Variants in RRP12 observed in about 807,000 individuals in gnomAD.
RRP12 encodes the protein ribosomal RNA processing 12 homolog.
A neutral mutation model predicts 157.3 loss-of-function variants in RRP12; 78 were observed. That is an observed-to-expected ratio of 0.50 (90% confidence interval 0.41 to 0.60). RRP12 has a LOEUF of 0.60. Among genes scored for constraint, RRP12 ranks in the 20% least tolerant of loss-of-function variants. The pLI is 0.00. For synonymous variants in RRP12, 726 were observed against 670.9 expected, an observed-to-expected ratio of 1.08 and a Z score of -1.27; for missense variants, 1,521 against 1,679.9, an observed-to-expected ratio of 0.91 and a Z score of 1.65.
intron 2 of RRP12, among the ~76,000 whole-genome samples, chr10:97,397,209 G>A (rs1473957003): frequency 1.3e-5 from 2 of 151,832 alleles, no homozygotes; most frequent in African/African-American, 4.8e-5. Context: ...CACCCAGGGT[G>A]GAATGCAGTG....
rs1393156488 is a variant in RRP12 at position 97,400,444 on chromosome 10, G to A, written c.230C>T (p.Thr77Met). Residue 77 changes from threonine to methionine, a missense_variant, in exon 2 of 34, where the codon ACG becomes ATG. By Grantham distance (81) the Thr-to-Met change is moderately conservative (BLOSUM62 -1). Transcript: ENST00000370992. Reference sequence around the variant, plus strand: ...CAGCTCCGCCTCTTCTTCCATGGGCGTCTCCGGGGCTTCGCTTTTGCCCAA... The same window carrying A: ...CAGCTCCGCCTCTTCTTCCATGGGCATCTCCGGGGCTTCGCTTTTGCCCAA... Reference protein sequence around the residue: ...LRLGKSEAPETPMEEEAELVL... With the variant: ...LRLGKSEAPEMPMEEEAELVL... The A allele has an allele frequency of 3.7e-6, 6 of 1,614,110 alleles. 1 individual carries two copies. In the Admixed American group the frequency reaches 8.3e-5, roughly 22 times the overall value.
At chr10:97,372,245 G>C in intron 19 of RRP12, 79 bp from the exon 20 acceptor site, 2 of 1,066,112 alleles carry the variant, frequency 1.9e-6, no homozygotes, top group Non-Finnish European at 2.8e-6. Flanking sequence ...ACGTCTACTG[G>C]GTATGGGGAG....
rs1195881669 is a variant in RRP12 at position 97,360,454 on chromosome 10, C to G, written c.3640+92G>C. The G allele has an allele frequency of 2.9e-6, 3 of 1,034,340 alleles. No individual in the cohort carries two copies. The African/African-American group carries it at 4.7e-5, about 16-fold the overall frequency. 64.1% of individuals were successfully genotyped at this position (1,034,340 alleles called of 1,614,324 possible). The stretch of plus-strand genomic sequence containing the variant: ...AGTGAGTGCAACCAGGCTGTGCACC[C>G]TCATGGCCCTGCCACCCCTTCCTGT... On this transcript the variant is annotated intron_variant, in intron 31 of 33. Transcript: ENST00000370992.
Position 97,366,242 on chromosome 10 carries a change from TAG to T in RRP12, c.3392-11_3392-10del, listed in dbSNP as rs766523050. 9.3e-6 allele frequency: 15 copies of T among 1,610,892 alleles called. No homozygotes were observed. Among genetic ancestry groups the T allele is most frequent in the Non-Finnish European group, 1.2e-5 (14 of 1,179,718 alleles). On this transcript the variant is annotated splice_polypyrimidine_tract_variant and intron_variant, in intron 28 of 33. Transcript: ENST00000370992. ...TGGCCCTGGCTGCGTGGCTGGGGTG[TAG>T]AGTTTGGCATGAGGAGGTGGAAGGC...
intron 5 of RRP12, 23 bp downstream of exon 5, chr10:97,390,716 G>T: frequency 6.4e-7 from 1 of 1,558,016 alleles, no homozygotes; most frequent in Non-Finnish European, 8.9e-7. Context: ...CGCCAGATGA[G>T]AAACTAAACC....
At chr10:97,389,209 T>TC (rs1430065166) in intron 6 of RRP12, among the ~76,000 whole-genome samples, 1 of 152,110 alleles carries the variant, frequency 6.6e-6, no homozygotes, top group Admixed American at 6.6e-5. Flanking sequence ...TTCTCCTGCC[T>TC]CCGCCTCCCG....
chr10:97,372,655 G>T, intron 19 of RRP12, 81 bp downstream of exon 19: 1 of 1,104,742 alleles, frequency 9.1e-7, no homozygotes, highest in Non-Finnish European at 1.4e-6. Context: ...ATGCAAGAGG[G>T]AACCCACAGT....
rs1403052286 is a variant in RRP12, at chr10:97,367,042, C to G, written c.3046G>C (p.Gly1016Arg). ...NLFTKFIRKF[G>R]FELVKRLLPE... ...CCCGCCCCTGCTCAGTGCACAGACC[C>G]AAACTTGCGGATGAACTTGGTGAAC... The change falls in exon 26 of 34, where the codon GGA becomes CGA. Residue 1016 changes from glycine (G) to arginine (R), a missense_variant and splice_region_variant. Transcript: ENST00000370992. 1.2e-6 allele frequency: 2 copies of G among 1,614,180 alleles called. No homozygotes were observed. The highest frequency in any genetic ancestry group is 3.3e-5 in the Admixed American group (2 of 60,030).
chr10:97,364,038 A>C, intron 29 of RRP12, 135 bp from the exon 30 acceptor site: 1 of 736,452 alleles, frequency 1.4e-6, no homozygotes, highest in Non-Finnish European at 2.5e-6. Context: ...CCTCAGACCA[A>C]TATCATCCTT....
chr10:97,385,578 C>T (rs192643354), intron 9 of RRP12, among the ~76,000 whole-genome samples: 3 of 152,148 alleles, frequency 2.0e-5, no homozygotes, highest in Non-Finnish European at 4.4e-5. Context: ...ATCTGATCCC[C>T]CCTCCCAATA....
intron 15 of RRP12, among the ~76,000 whole-genome samples, chr10:97,376,331 C>T (rs1844307064): frequency 6.7e-6 from 1 of 150,090 alleles, no homozygotes; most frequent in Non-Finnish European, 1.5e-5. Flanking sequence ...TGTCCTGCCT[C>T]AGCCTCCCAA....
At chr10:97,396,077 G>A (rs1232392750) in intron 3 of RRP12, 141 bp downstream of exon 3, 8 of 646,696 alleles carry the variant, frequency 1.2e-5, no homozygotes, top group Non-Finnish European at 2.3e-5. Context: ...GCCTTCCTAA[G>A]CCACCTGAGA....
At chr10:97,400,653 C>T (rs957117982) in intron 1 of RRP12, 119 bp from the exon 2 acceptor site, 25 of 749,138 alleles carry the variant, frequency 3.3e-5, no homozygotes, top group Non-Finnish European at 5.0e-5. Context: ...GAATTCTGAA[C>T]ACAGCCAGTC....
chr10:97,357,188 ATCT>A lies in RRP12; in HGVS notation c.3797_3799del (p.Lys1266del). 1 of 1,607,130 alleles carries A rather than the reference ATCT, an allele frequency of 6.2e-7. No individual in the cohort carries two copies. Among genetic ancestry groups the A allele is most frequent in the Non-Finnish European group, 8.5e-7 (1 of 1,175,278 alleles). Reference sequence around the variant, plus strand: ...GCCTTTGAACTGTCCCTGCAGCTTCATCTTCTTCCTGCAGGGCCAAGGAACGGA... The same window carrying A: ...GCCTTTGAACTGTCCCTGCAGCTTCATCTTCCTGCAGGGCCAAGGAACGGA... On this transcript the variant is annotated inframe_deletion, in exon 34 of 34. Coordinates refer to ENST00000370992, the MANE Select transcript of RRP12 (RefSeq NM_015179.4).
intron 25 of RRP12, 45 bp from the exon 26 acceptor site, chr10:97,367,177 G>A: frequency 2.0e-6 from 3 of 1,537,442 alleles, no homozygotes; most frequent in Non-Finnish European, 2.7e-6. Context: ...AGCCTTCCAT[G>A]CTGCGCCCCC....
In RRP12 at chr10:97,401,329, T is replaced by G. The variant is rs1379849561; in HGVS notation, c.-98A>C. 2.0e-5 allele frequency: 29 copies of G among 1,455,806 alleles called. No homozygotes were observed. In the East Asian group the frequency reaches 2.5e-4, roughly 13 times the overall value. The allele number at this position is 1,455,806 out of a possible 1,614,324, so 90.2% of individuals were successfully genotyped here. On this transcript the variant is annotated 5_prime_UTR_variant, in exon 1 of 34. Transcript: ENST00000370992. ...ACGTGGATACCCTGTAGCCTTCACT[T>G]CCTCTTCTTCTGGCGTCACTTCCGG...
In RRP12 at chr10:97,400,521, C is replaced by T. The variant is rs1445580001; in HGVS notation, c.153G>A (p.Leu51=). Residue 51 remains leucine, a synonymous_variant, in exon 2 of 34, where the codon CTG becomes CTA. Coordinates refer to ENST00000370992, the MANE Select transcript of RRP12 (RefSeq NM_015179.4). ...FFSRPSGRSD[L]TVDAVKLHNE... Reference sequence around the variant, plus strand: ...TATGTAACTTCACAGCATCGACTGTCAGGTCACTCCTTCCTGAGAGCCAGA... The same window carrying T: ...TATGTAACTTCACAGCATCGACTGTTAGGTCACTCCTTCCTGAGAGCCAGA... 6.2e-7 allele frequency: 1 copy of T among 1,613,694 alleles called. No homozygotes were observed. The highest frequency in any genetic ancestry group is 1.1e-5 in the South Asian group (1 of 91,080).
chr10:97,393,809 C>A (rs748618625), intron 3 of RRP12, 49 bp from the exon 4 acceptor site: 5 of 1,493,544 alleles, frequency 3.3e-6, no homozygotes, highest in Non-Finnish European at 4.7e-6. Flanking sequence ...TTACACTGAG[C>A]AAACAGGAAA....
At chr10:97,394,068 C>A (rs1347680228) in intron 3 of RRP12, among the ~76,000 whole-genome samples, 1 of 152,058 alleles carries the variant, frequency 6.6e-6, no homozygotes, top group East Asian at 1.9e-4. Context: ...TGTGGCTGGG[C>A]GTGGTGGCTC....
Sources: gnomAD v4.1 joint callset for allele counts (sites outside exome capture counted in the v4.1 genomes callset) on GRCh38, gnomAD v4.1.1 for gene constraint, MANE v1.5 for transcripts, NCBI Gene and HGNC (gene_info 2026-07-23, HGNC 2026-07-21) for gene names.